ZFHX3: variants seen among roughly 807,000 people sequenced by gnomAD.
The protein encoded by ZFHX3 is zinc finger homeobox 3.
ZFHX3 carries 42 observed loss-of-function variants against 279.1 expected under a neutral mutation model. The ratio of observed to expected loss-of-function variants is 0.15; its 90% confidence interval spans 0.12 to 0.19. ZFHX3 has a LOEUF of 0.19. Among genes scored for constraint, ZFHX3 ranks in the 10% least tolerant of loss-of-function variants. The pLI is 1.00. For missense variants in ZFHX3, 4,981 were observed against 4,754.0 expected, an observed-to-expected ratio of 1.05 and a Z score of -1.40; for synonymous variants, 2,293 against 1,957.8, an observed-to-expected ratio of 1.17 and a Z score of -4.52.
At chr16:72,941,799 C>T (rs937263188) in intron 3 of ZFHX3, among the ~76,000 whole-genome samples, 1 of 152,130 alleles carries the variant, frequency 6.6e-6, no homozygotes, top group African/African-American at 2.4e-5. Flanking sequence ...CTACAGTCGC[C>T]AGTATTTCTA....
chr16:73,384,299 T>C (rs2016862860), intron 3 of ZFHX3, among the ~76,000 whole-genome samples: 1 of 152,228 alleles, frequency 6.6e-6, no homozygotes, highest in South Asian at 2.1e-4. Flanking sequence ...TACAACGAGA[T>C]CATATGGGCT....
At chr16:72,872,114 A>AT (rs397724776) in intron 4 of ZFHX3, among the ~76,000 whole-genome samples, 16 of 151,636 alleles carry the variant, frequency 1.1e-4, no homozygotes, top group African/African-American at 3.6e-4. Flanking sequence ...CAAAAAAAAA[A>AT]TTTCAAGGAA....
chr16:73,070,558 C>T (rs536610899), intron 8 of ZFHX3, among the ~76,000 whole-genome samples: 65 of 152,302 alleles, frequency 4.3e-4, no homozygotes, highest in Admixed American at 5.2e-4. Flanking sequence ...ACGTGAAAAC[C>T]TGCTTGCCGA....
intron 1 of ZFHX3, among the ~76,000 whole-genome samples, chr16:73,780,812 T>C (rs1337560010): frequency 6.6e-6 from 1 of 152,218 alleles, no homozygotes; most frequent in Non-Finnish European, 1.5e-5. Flanking sequence ...AATAACTTCA[T>C]ATTTTAAGAG....
intron 1 of ZFHX3, among the ~76,000 whole-genome samples, chr16:73,740,068 G>C (rs1462218608): frequency 6.6e-6 from 1 of 152,096 alleles, no homozygotes; most frequent in Non-Finnish European, 1.5e-5. Flanking sequence ...CATCAGCACA[G>C]CATGCCAGCC....
intron 3 of ZFHX3, among the ~76,000 whole-genome samples, chr16:73,350,486 T>C (rs1468181578): frequency 6.6e-6 from 1 of 152,228 alleles, no homozygotes; most frequent in Non-Finnish European, 1.5e-5. Flanking sequence ...TCCTGGATTC[T>C]TTCAAGAGGT....
At chr16:73,380,398 G>A (rs2016800311) in intron 3 of ZFHX3, among the ~76,000 whole-genome samples, 1 of 152,190 alleles carries the variant, frequency 6.6e-6, no homozygotes. Context: ...CTATGGTTAT[G>A]TTATCTGCAG....
chr16:73,867,149 G>C (rs546554308), intron 1 of ZFHX3, among the ~76,000 whole-genome samples: 13 of 152,186 alleles, frequency 8.5e-5, no homozygotes, highest in African/African-American at 3.1e-4. Flanking sequence ...AGAGGGCTTT[G>C]GGATGAGGCA....
chr16:73,022,300 G>A (rs1964329668), intron 1 of ZFHX3, among the ~76,000 whole-genome samples: 1 of 152,196 alleles, frequency 6.6e-6, no homozygotes, highest in Admixed American at 6.5e-5. Flanking sequence ...AGAAAGCCAG[G>A]CTGGGAGAAG....
chr16:73,228,897 C>G (rs1208847393), intron 5 of ZFHX3, among the ~76,000 whole-genome samples: 5 of 152,090 alleles, frequency 3.3e-5, no homozygotes, highest in Admixed American at 3.3e-4. Flanking sequence ...GTTTCCTTCT[C>G]CCTTGTGTTT....
At chr16:73,672,659 T>C (rs1003264414) in intron 2 of ZFHX3, among the ~76,000 whole-genome samples, 1 of 151,844 alleles carries the variant, frequency 6.6e-6, no homozygotes, top group Admixed American at 6.6e-5. Context: ...AAACACATGA[T>C]GAGAGAATAA....
intron 3 of ZFHX3, among the ~76,000 whole-genome samples, chr16:73,333,706 G>C (rs1181130911): frequency 6.7e-6 from 1 of 149,742 alleles, no homozygotes; most frequent in Non-Finnish European, 1.5e-5. Context: ...ACTGGAAAAG[G>C]AGAAGGCAGA....
intron 1 of ZFHX3, among the ~76,000 whole-genome samples, chr16:73,042,271 T>G (rs1269177466): frequency 1.3e-5 from 2 of 152,102 alleles, no homozygotes; most frequent in African/African-American, 4.8e-5. Context: ...GCCTCCTGCC[T>G]CTCCACTAAG....
chr16:73,874,436 A>G (rs777007086), intron 1 of ZFHX3, among the ~76,000 whole-genome samples: 2 of 152,138 alleles, frequency 1.3e-5, no homozygotes, highest in Non-Finnish European at 2.9e-5. Flanking sequence ...GCCTGTCAGC[A>G]CTAGTCATCA....
chr16:73,532,193 C>T (rs7200169), intron 2 of ZFHX3, among the ~76,000 whole-genome samples: 32,648 of 151,776 alleles, frequency 0.22, 7,002 homozygotes, highest in African/African-American at 0.56. Context: ...GTAGCTCCCA[C>T]GTGTTATGGG....
intron 5 of ZFHX3, among the ~76,000 whole-genome samples, chr16:73,189,581 A>G (rs1311411160): frequency 1.3e-5 from 2 of 152,206 alleles, no homozygotes; most frequent in Non-Finnish European, 2.9e-5. Flanking sequence ...TAGTTTTGGA[A>G]GCAGTGAGTG....
At chr16:73,738,746 C>T (rs2053629238) in intron 1 of ZFHX3, among the ~76,000 whole-genome samples, 1 of 152,184 alleles carries the variant, frequency 6.6e-6, no homozygotes, top group Non-Finnish European at 1.5e-5. Context: ...GGGGAATTCA[C>T]ACGGCTCCAG....
Position 72,950,724 on chromosome 16 carries a change from C to G in ZFHX3, c.2961G>C (p.Lys987Asn). Residue 987 changes from lysine to asparagine, a missense_variant, in exon 3 of 10, where the codon AAG (lysine) becomes AAC (asparagine). Lys to Asn is a moderately conservative substitution (Grantham distance 94). Coordinates refer to ENST00000268489, the MANE Select transcript of ZFHX3 (RefSeq NM_006885.4). ...TGAGCTGGGTGTTGTAGCGGCAGAG[C>G]TTGCACTGGTATGAGTCCCCCATCA... Reference protein sequence around the residue: ...KAVMGDSYQCKLCRYNTQLKA... With the variant: ...KAVMGDSYQCNLCRYNTQLKA... 1 of 1,614,222 alleles carries G rather than the reference C, an allele frequency of 6.2e-7. No homozygotes were observed. The highest frequency in any genetic ancestry group is 8.5e-7 in the Non-Finnish European group (1 of 1,180,046).
chr16:73,380,869 A>G (rs1282866610), intron 3 of ZFHX3, among the ~76,000 whole-genome samples: 2 of 152,048 alleles, frequency 1.3e-5, no homozygotes, highest in Admixed American at 6.6e-5. Context: ...AGAGTTATAT[A>G]TTCCTGGGGT....
Sources: gnomAD v4.1 joint callset for allele counts (sites outside exome capture counted in the v4.1 genomes callset) on GRCh38, gnomAD v4.1.1 for gene constraint, MANE v1.5 for transcripts, NCBI Gene and HGNC (gene_info 2026-07-23, HGNC 2026-07-21) for gene names.